F5: variants seen among roughly 807,000 people sequenced by gnomAD.
F5 encodes activated protein c cofactor.
In F5, 138 loss-of-function variants were observed where a neutral mutation model predicts 216.4. That is an observed-to-expected ratio of 0.64 (90% CI 0.56 to 0.73). The LOEUF (loss-of-function observed/expected upper bound fraction) is 0.73. F5 is among the 30% of genes least tolerant of loss of function. F5 has a pLI of 0.00. For missense variants in F5, 2,403 were observed against 2,674.0 expected (o/e 0.90, Z 2.24); for synonymous variants, 916 against 930.7 (o/e 0.98, Z 0.29).
chr1:169,520,708 A>C (rs9332658), intron 21 of F5, 44 bp from the exon 22 acceptor site: 1 of 1,544,930 alleles, frequency 6.5e-7, no homozygotes, highest in Non-Finnish European at 8.9e-7. Context: ...AATGATCTAT[A>C]AAGTGACTTT....
rs1571568081 is a variant in F5, at chr1:169,533,709, C to T, written c.4972-2687G>A. Among the ~76,000 whole-genome samples the T allele has an allele frequency of 2.0e-5, 3 of 152,184 alleles. No homozygotes were observed. The East Asian group carries it at 5.8e-4, about 29-fold the overall frequency. On this transcript the variant is annotated intron_variant, in intron 14 of 24. Transcript: ENST00000367797. Reference sequence around the variant, plus strand: ...ACCACAGTGAAATACCATCTCACACCAGTCAGAATGGCTATTAGTACAAAG... The same window carrying T: ...ACCACAGTGAAATACCATCTCACACTAGTCAGAATGGCTATTAGTACAAAG...
In F5 at chr1:169,541,723, G is replaced by C. The variant is rs1434039038; in HGVS notation, c.3367C>G (p.Pro1123Ala). 5 of 1,613,910 alleles carry C rather than the reference G, an allele frequency of 3.1e-6. No individual in the cohort carries two copies. Among genetic ancestry groups the C allele is most frequent in the Non-Finnish European group, 3.4e-6 (4 of 1,179,976 alleles). ...CPPGLYQTVP[P>A]EEHYQTFPIQ... is the part of the protein sequence containing the mutation. ...GGGAATGTTTGATAGTGTTCCTCTG[G>C]GGGCACTGTCTGATAAAGACCTGGA... is the stretch of plus-strand genomic sequence containing the variant. Residue 1123 changes from proline to alanine, a missense_variant, in exon 13 of 25, where the codon CCA becomes GCA. By Grantham distance (27) the Pro-to-Ala change is conservative. Around this residue, in one of 4 missense-constraint regions of F5, gnomAD observed 1,425 missense variants for 1,554.8 expected, o/e 0.92. Transcript: ENST00000367797.
chr1:169,559,360 G>A, intron 4 of F5, 64 bp from the exon 5 acceptor site: 1 of 1,553,340 alleles, frequency 6.4e-7, no homozygotes, highest in East Asian at 2.2e-5. Flanking sequence ...AGCTTTCCTG[G>A]ATAGCAAAGA....
Position 169,586,331 on chromosome 1 carries a change from A to G in F5, c.56T>C (p.Val19Ala). 6.2e-7 allele frequency: 1 copy of G among 1,613,930 alleles called. No individual in the cohort carries two copies. Among genetic ancestry groups the G allele is most frequent in the Non-Finnish European group, 8.5e-7 (1 of 1,179,972 alleles). Residue 19 changes from valine (V) to alanine (A), a missense_variant, in exon 1 of 25, where the codon GTA (valine) becomes GCA (alanine). Physicochemically the swap from Val to Ala is moderately conservative, Grantham distance 64. This residue lies in a region of F5 where 1,425 missense variants were observed against 1,554.8 expected (regional missense o/e 0.92). Transcript: ENST00000367797. ...TTCTGTCCCTTGGCTCCCCCAGCCT[A>G]CCCAGCTGGTGCCCAAGACCACCAG... ...WVLVVLGTSWVGWGSQGTEAA... is the reference protein window; with the variant it reads ...WVLVVLGTSWAGWGSQGTEAA...
chr1:169,530,080 A>G (rs1659555904), intron 15 of F5, among the ~76,000 whole-genome samples: 1 of 152,184 alleles, frequency 6.6e-6, no homozygotes, highest in African/African-American at 2.4e-5. Flanking sequence ...ATTTATTGAG[A>G]ATCTATTACT....
rs182828163 is a variant in F5 at position 169,584,069 on chromosome 1, A to G, written c.159-1547T>C. ...CCATTTTTATTTATTTATTTTTAGT[A>G]CAATTGAAAAGTTATTGTCCTCCCC... On this transcript the variant is annotated intron_variant, in intron 1 of 24. Transcript: ENST00000367797. Among the ~76,000 whole-genome samples, 43 of 152,342 alleles carry G rather than the reference A, an allele frequency of 2.8e-4. 1 individual carries two copies. Among genetic ancestry groups the G allele is most frequent in the Non-Finnish European group, 5.0e-4 (34 of 68,028 alleles).
chr1:169,518,457 A>G lies in F5; in HGVS notation c.6300T>C (p.Arg2100=). ...SWWGDYWEPF[R]ARLNAQGRVN... is the part of the protein sequence containing the mutation. The stretch of plus-strand genomic sequence containing the variant: ...CACGTCCCTGGGCATTCAGACGGGC[A>G]CGGAAGGGTTCCCAGTAATCTCCCC... Residue 2100 remains arginine (R), a synonymous_variant, in exon 23 of 25, where the codon CGT becomes CGC. Transcript: ENST00000367797. 6.2e-7 allele frequency: 1 copy of G among 1,613,876 alleles called. No individual in the cohort carries two copies.
chr1:169,585,314 A>AT (rs1299090896), intron 1 of F5, among the ~76,000 whole-genome samples: 1 of 152,168 alleles, frequency 6.6e-6, no homozygotes, highest in African/African-American at 2.4e-5. Context: ...ATATTACATT[A>AT]TTTTTTGGCA....
In F5 at chr1:169,546,469, T is replaced by C. The variant is rs776665481; in HGVS notation, c.1735A>G (p.Lys579Glu). ...CTCATGATGTTTGATTCATAAAACT[T>C]GGGGTCATCACGTTTCACCTCATCA... ...NPDEVKRDDP[K>E]FYESNIMSTI... is the part of the protein sequence containing the mutation. Residue 579 changes from lysine (K) to glutamate (E), a missense_variant, in exon 11 of 25, where the codon AAG becomes GAG. Around this residue, in one of 4 missense-constraint regions of F5, gnomAD observed 1,425 missense variants for 1,554.8 expected, o/e 0.92. Coordinates refer to ENST00000367797, the MANE Select transcript of F5 (RefSeq NM_000130.5). 7.4e-6 allele frequency: 12 copies of C among 1,614,170 alleles called. No individual in the cohort carries two copies. Among genetic ancestry groups the C allele is most frequent in the South Asian group, 1.1e-5 (1 of 91,078 alleles).
rs980013850 is a variant in F5 at position 169,546,185 on chromosome 1, A to ACC, written c.1762+256_1762+257insGG. 3.3e-4 allele frequency among the ~76,000 whole-genome samples: 39 copies of ACC among 118,070 alleles called. No individual in the cohort carries two copies. The East Asian group carries it at 7.9e-3, about 24-fold the overall frequency. The allele number at this position is 118,070 out of a possible 152,430, so 77.5% of individuals were successfully genotyped here. A position where few individuals can be genotyped will look rare whatever the true frequency, so the allele number is the denominator to read the frequency against. ...CCACGCAGAGTATGTCTGTGTACACACACACACACACACACACACACACGC... is the reference window on the plus strand; with the variant it reads ...CCACGCAGAGTATGTCTGTGTACACACCCACACACACACACACACACACACGC... On this transcript the variant is annotated intron_variant, in intron 11 of 24. Coordinates refer to ENST00000367797, the MANE Select transcript of F5 (RefSeq NM_000130.5).
At chr1:169,558,824 G>A (rs1211356459) in intron 5 of F5, among the ~76,000 whole-genome samples, 1 of 152,140 alleles carries the variant, frequency 6.6e-6, no homozygotes, top group African/African-American at 2.4e-5. Context: ...GCTAGGGCTT[G>A]TCCTTGAAGA....
intron 10 of F5, among the ~76,000 whole-genome samples, chr1:169,549,472 G>C (rs572683027): frequency 9.9e-5 from 15 of 152,114 alleles, no homozygotes; most frequent in South Asian, 8.3e-4. Flanking sequence ...ATTTTTAGGA[G>C]GGTTATTACC....
At chr1:169,564,615 A>G (rs905325027) in intron 3 of F5, among the ~76,000 whole-genome samples, 5 of 152,048 alleles carry the variant, frequency 3.3e-5, no homozygotes, top group Non-Finnish European at 7.4e-5. Flanking sequence ...CTGGTTCCTT[A>G]TGTTCTGAAG....
intron 13 of F5, among the ~76,000 whole-genome samples, chr1:169,537,349 T>A (rs929551939): frequency 6.6e-6 from 1 of 152,224 alleles, no homozygotes; most frequent in African/African-American, 2.4e-5. Flanking sequence ...GAATGTTTTG[T>A]ACCCTAAAAG....
chr1:169,553,766 C>G (rs936730461), intron 7 of F5, among the ~76,000 whole-genome samples: 2 of 152,022 alleles, frequency 1.3e-5, no homozygotes, highest in African/African-American at 4.8e-5. Flanking sequence ...TCATGCCAGT[C>G]AGAATGGCGA....
intron 21 of F5, among the ~76,000 whole-genome samples, chr1:169,521,855 G>A (rs370743901): frequency 1.3e-5 from 2 of 151,766 alleles, no homozygotes; most frequent in Non-Finnish European, 2.9e-5. Context: ...TCTTGACCTC[G>A]TGATCTGCCC....
chr1:169,533,432 A>G (rs1014470687), intron 14 of F5, among the ~76,000 whole-genome samples: 1 of 152,234 alleles, frequency 6.6e-6, no homozygotes, highest in East Asian at 1.9e-4. Flanking sequence ...GCTTCTGCTC[A>G]GCAAAAGAAG....
intron 7 of F5, 143 bp from the exon 8 acceptor site, chr1:169,552,877 G>A (rs1166583941): frequency 3.1e-6 from 2 of 653,610 alleles, no homozygotes; most frequent in African/African-American, 3.7e-5. Flanking sequence ...AGTTTGCAAA[G>A]TCCTTATGTT....
chr1:169,577,560 A>AATATATATATATATATATATATATAT (rs3035292), intron 2 of F5, among the ~76,000 whole-genome samples: 5 of 54,466 alleles, frequency 9.2e-5, no homozygotes, highest in Admixed American at 2.6e-4. Flanking sequence ...GGCTAATTTA[A>AATATATATATATATATATATATATAT]ATATATATAT....
Sources: gnomAD v4.1 joint callset for allele counts (sites outside exome capture counted in the v4.1 genomes callset) on GRCh38, gnomAD v4.1.1 for gene constraint, gnomAD v4.1.1 regional missense constraint, MANE v1.5 for transcripts, NCBI Gene and HGNC (gene_info 2026-07-23, HGNC 2026-07-21) for gene names.